The following ABCB7 variants were observed in gnomAD, a reference collection of about 807,000 sequenced individuals.
ABCB7 encodes iron-sulfur clusters transporter ABCB7, mitochondrial.
A neutral mutation model predicts 54.4 loss-of-function variants in ABCB7; 7 were observed. That is an observed-to-expected ratio of 0.13 (90% CI 0.07 to 0.24). The LOEUF (loss-of-function observed/expected upper bound fraction) is 0.24. Ranked by LOEUF, ABCB7 falls within the 10% of genes least tolerant of loss-of-function variation. The pLI, the probability that ABCB7 is intolerant of heterozygous loss-of-function variation, is 1.00. For synonymous variants in ABCB7, 218 were observed against 207.1 expected, an observed-to-expected ratio of 1.05 and a Z score of -0.45; for missense variants, 356 against 570.4, an observed-to-expected ratio of 0.62 and a Z score of 3.83.
chrX:75,143,846 C>A (rs924871506), intron 1 of ABCB7, among the ~76,000 whole-genome samples: 3 of 111,311 alleles, frequency 2.7e-5, no homozygotes, highest in African/African-American at 9.8e-5. Flanking sequence ...TCACCTCCCA[C>A]AACATGTGGG....
chrX:75,104,935 A>C (rs2081678591), intron 3 of ABCB7, among the ~76,000 whole-genome samples: 1 of 112,274 alleles, frequency 8.9e-6, no homozygotes, highest in Non-Finnish European at 1.9e-5. Flanking sequence ...AGAATTAAAA[A>C]CAAAAACCAT....
At chrX:75,074,888 A>G (rs180686829) in intron 6 of ABCB7, among the ~76,000 whole-genome samples, 60 of 111,184 alleles carry the variant, frequency 5.4e-4, no homozygotes, top group Admixed American at 3.6e-3. Context: ...ATTAGGTACT[A>G]TGCTCACTAC....
intron 15 of ABCB7, among the ~76,000 whole-genome samples, chrX:75,057,816 T>C (rs2081253480): frequency 9.0e-6 from 1 of 110,529 alleles, no homozygotes; most frequent in South Asian, 3.9e-4. Context: ...AATCCTCCTA[T>C]TATTTGCTGA....
At chrX:75,062,609 A>T in intron 13 of ABCB7, 178 bp from the exon 14 acceptor site, 1 of 444,473 alleles carries the variant, frequency 2.2e-6, no homozygotes, top group East Asian at 3.9e-5. Context: ...TTGACAAATT[A>T]TATTCCCTGA....
At chrX:75,149,928 G>A (rs2082119319) in intron 1 of ABCB7, among the ~76,000 whole-genome samples, 1 of 111,752 alleles carries the variant, frequency 8.9e-6, no homozygotes, top group Non-Finnish European at 1.9e-5. Context: ...ACAATATAGG[G>A]TGACTGGAGG....
intron 9 of ABCB7, 61 bp from the exon 10 acceptor site, chrX:75,070,583 C>T (rs370701514): frequency 1.3e-5 from 14 of 1,083,339 alleles, no homozygotes; most frequent in East Asian, 9.1e-5. Flanking sequence ...TTCCAATTTA[C>T]GATAGGTTTA....
chrX:75,076,721 T>C (rs2081413697), intron 4 of ABCB7, 67 bp from the exon 5 acceptor site: 4 of 1,052,368 alleles, frequency 3.8e-6, no homozygotes, highest in Non-Finnish European at 5.2e-6. Flanking sequence ...TACAAATATT[T>C]ACCTTAAATT....
chrX:75,089,571 G>A (rs1187334721), intron 4 of ABCB7, among the ~76,000 whole-genome samples: 1 of 109,570 alleles, frequency 9.1e-6, no homozygotes, highest in Non-Finnish European at 1.9e-5. Flanking sequence ...TAAATGATTA[G>A]AAAAAACAAA....
chrX:75,104,047 G>GTTTTTTTTTTTTTTTTTT lies in ABCB7; in HGVS notation c.334-5004_334-4987dup, dbSNP rs757074347. Among the ~76,000 whole-genome samples, 29 of 13,446 alleles carry GTTTTTTTTTTTTTTTTTT rather than the reference G, an allele frequency of 2.2e-3. 8 individuals carry two copies. In the East Asian group the frequency reaches 0.029, roughly 13 times the overall value. 11.7% of individuals were successfully genotyped at this position (13,446 alleles called of 115,157 possible). A position where few individuals can be genotyped will look rare whatever the true frequency, so the allele number is the denominator to read the frequency against. On this transcript the variant is annotated intron_variant, in intron 3 of 15. Coordinates refer to ENST00000373394, the MANE Select transcript of ABCB7 (RefSeq NM_001271696.3). The stretch of plus-strand genomic sequence containing the variant: ...AAATGGGCATCCCTGTCTTGTTACA[G>GTTTTTTTTTTTTTTTTTT]TTTTTTTTTTTTTTTTTTTTTTTTT...
chrX:75,135,172 A>G (rs985153430), intron 1 of ABCB7, among the ~76,000 whole-genome samples: 1 of 110,299 alleles, frequency 9.1e-6, no homozygotes, highest in East Asian at 2.8e-4. Context: ...TTAAAAAAAA[A>G]AAACCCTCAG....
At chrX:75,117,903 T>G (rs1462249267) in intron 1 of ABCB7, among the ~76,000 whole-genome samples, 3 of 112,000 alleles carry the variant, frequency 2.7e-5, no homozygotes, top group Non-Finnish European at 5.6e-5. Context: ...TCCCTTTCCT[T>G]TCCTTTCTCT....
intron 4 of ABCB7, among the ~76,000 whole-genome samples, chrX:75,079,594 A>G (rs757871699): frequency 6.2e-5 from 7 of 112,266 alleles, no homozygotes; most frequent in Non-Finnish European, 1.1e-4. Context: ...TCTCCTAATG[A>G]CATTTTATTT....
chrX:75,082,355 G>C (rs964153105), intron 4 of ABCB7, among the ~76,000 whole-genome samples: 2 of 111,554 alleles, frequency 1.8e-5, no homozygotes, highest in Non-Finnish European at 3.8e-5. Flanking sequence ...TAGCCTTTGT[G>C]AATGAAGGTA....
At chrX:75,096,977 AATGT>A (rs761853669) in intron 4 of ABCB7, among the ~76,000 whole-genome samples, 18 of 111,490 alleles carry the variant, frequency 1.6e-4, no homozygotes, top group Non-Finnish European at 3.2e-4. Flanking sequence ...TTGCTGAATG[AATGT>A]GTGAAATAAA....
chrX:75,110,067 G>A (rs1330132850), intron 3 of ABCB7, among the ~76,000 whole-genome samples: 1 of 111,909 alleles, frequency 8.9e-6, no homozygotes, highest in East Asian at 2.8e-4. Context: ...ATACTTCAGG[G>A]TTTGTTTTCC....
chrX:75,079,040 A>G (rs1026997974), intron 4 of ABCB7, among the ~76,000 whole-genome samples: 33 of 111,950 alleles, frequency 2.9e-4, no homozygotes, highest in African/African-American at 1.1e-3. Flanking sequence ...CCAAAGCTGT[A>G]GTGAATGACG....
intron 3 of ABCB7, 61 bp from the exon 4 acceptor site, chrX:75,099,122 C>A: frequency 9.0e-7 from 1 of 1,111,457 alleles, no homozygotes; most frequent in Non-Finnish European, 1.2e-6. Context: ...AACCATAATT[C>A]AATAACGTAG....
intron 15 of ABCB7, among the ~76,000 whole-genome samples, chrX:75,055,826 C>T (rs1261381970): frequency 2.8e-5 from 3 of 108,958 alleles, no homozygotes; most frequent in Non-Finnish European, 1.9e-5. Flanking sequence ...TTGTATTTGT[C>T]TAGTTGTTTC....
chrX:75,150,338 G>A (rs753510129), intron 1 of ABCB7, among the ~76,000 whole-genome samples: 3 of 111,558 alleles, frequency 2.7e-5, no homozygotes, highest in Non-Finnish European at 5.7e-5. Context: ...GAGCACAGAT[G>A]AGGACTTCAG....
Sources: allele counts gnomAD v4.1 joint callset (sites outside exome capture counted in the v4.1 genomes callset), GRCh38; gene constraint gnomAD v4.1.1; transcripts MANE v1.5; gene names NCBI Gene and HGNC (gene_info 2026-07-23, HGNC 2026-07-21).